The following CUBN variants were observed in gnomAD, a reference collection of about 807,000 sequenced individuals.
CUBN encodes cubilin, also known as 460 kDa receptor.
A neutral mutation model predicts 405.3 loss-of-function variants in CUBN; 282 were observed. The observed-to-expected ratio is 0.70, with a 90% CI of 0.63 to 0.77. The LOEUF (loss-of-function observed/expected upper bound fraction) is 0.77, where lower values mean the gene tolerates loss of function less well. Among genes scored for constraint, CUBN ranks in the 30% least tolerant of loss-of-function variants. CUBN has a pLI of 0.00. For missense variants in CUBN, 4,514 were observed against 4,475.2 expected, an observed-to-expected ratio of 1.01 and a Z score of -0.25; for synonymous variants, 1,684 against 1,617.0, an observed-to-expected ratio of 1.04 and a Z score of -0.99.
rs1385753111 is a variant in CUBN at position 16,899,174 on chromosome 10, C to A, written c.8420G>T (p.Gly2807Val). 2.5e-6 allele frequency: 4 copies of A among 1,613,530 alleles called. No individual in the cohort carries two copies. Among genetic ancestry groups the A allele is most frequent in the Non-Finnish European group, 3.4e-6 (4 of 1,179,472 alleles). ...TGTACCATTATCAGAATGAAATATT[C>A]CACCACAACCTGAAATATTGCCATG... Reference protein sequence around the residue: ...TWNTQTLGCGGIFHSDNGTIR... With the variant: ...TWNTQTLGCGVIFHSDNGTIR... The change falls in exon 54 of 67, where the codon GGA becomes GTA. Residue 2807 changes from glycine to valine, a missense_variant. Physicochemically the swap from Gly to Val is moderately radical, Grantham distance 109 (BLOSUM62 -3). Transcript: ENST00000377833.
At chr10:17,095,276 G>T (rs1836347073) in intron 14 of CUBN, among the ~76,000 whole-genome samples, 1 of 151,796 alleles carries the variant, frequency 6.6e-6, no homozygotes, top group Non-Finnish European at 1.5e-5. Flanking sequence ...TTAAACATAA[G>T]GCCTAAAACT....
In CUBN at chr10:16,984,165, T is replaced by C. The variant is rs774314370; in HGVS notation, c.4465A>G (p.Lys1489Glu). 1.2e-5 allele frequency: 20 copies of C among 1,614,194 alleles called. No homozygotes were observed. The highest frequency in any genetic ancestry group is 1.6e-5 in the Non-Finnish European group (19 of 1,180,048). Reference protein sequence around the residue: ...STGNELAIRFKTDLSINGRGF... With the variant: ...STGNELAIRFETDLSINGRGF... ...CTCCCATTTATGGACAAGTCGGTCT[T>C]GAATCGAATTGCTAGCTCATTTCCA... The change falls in exon 30 of 67, where the codon AAG becomes GAG. Residue 1489 changes from lysine to glutamate, a missense_variant. This residue lies in a region of CUBN where 1,613 missense variants were observed against 1,542.8 expected (regional missense o/e 1.05). Coordinates refer to ENST00000377833, the MANE Select transcript of CUBN (RefSeq NM_001081.4).
intron 56 of CUBN, among the ~76,000 whole-genome samples, chr10:16,878,329 A>AAAAC (rs1840573164): frequency 6.6e-6 from 1 of 152,192 alleles, no homozygotes; most frequent in Non-Finnish European, 1.5e-5. Context: ...GGAAAGGAAA[A>AAAAC]AAACCAGCCT....
chr10:17,043,472 A>C (rs1835057559), intron 26 of CUBN, among the ~76,000 whole-genome samples: 1 of 152,230 alleles, frequency 6.6e-6, no homozygotes, highest in African/African-American at 2.4e-5. Flanking sequence ...ATGAAAAGCT[A>C]TTAGTCATTA....
At chr10:17,019,161 C>T (rs971426519) in intron 28 of CUBN, among the ~76,000 whole-genome samples, 68 of 152,172 alleles carry the variant, frequency 4.5e-4, no homozygotes, top group African/African-American at 1.6e-3. Context: ...TGGGGCTCTC[C>T]ACTTGCAGAT....
intron 56 of CUBN, among the ~76,000 whole-genome samples, chr10:16,879,051 C>A (rs1370846109): frequency 6.6e-6 from 1 of 152,194 alleles, no homozygotes; most frequent in Non-Finnish European, 1.5e-5. Context: ...TGTGTGGGCA[C>A]ATGCTTTCAG....
intron 62 of CUBN, among the ~76,000 whole-genome samples, chr10:16,836,619 C>T (rs565843285): frequency 2.9e-4 from 44 of 152,348 alleles, no homozygotes; most frequent in South Asian, 6.2e-4. Flanking sequence ...ACAGACATTT[C>T]CCTGCTGAAA....
At chr10:16,844,249 A>G (rs1839441928) in intron 60 of CUBN, among the ~76,000 whole-genome samples, 1 of 146,612 alleles carries the variant, frequency 6.8e-6, no homozygotes, top group Admixed American at 6.9e-5. Flanking sequence ...AGCCTGGGCG[A>G]CAAGAGCGAA....
intron 60 of CUBN, among the ~76,000 whole-genome samples, chr10:16,845,897 G>C (rs1839494809): frequency 6.6e-6 from 1 of 152,198 alleles, no homozygotes; most frequent in African/African-American, 2.4e-5. Context: ...TTTTGCACAA[G>C]TGTGGTGGTT....
At chr10:17,007,413 T>C (rs988990755) in intron 28 of CUBN, among the ~76,000 whole-genome samples, 1 of 152,232 alleles carries the variant, frequency 6.6e-6, no homozygotes, top group Non-Finnish European at 1.5e-5. Context: ...AGCCTCGTTG[T>C]AGATCCGTTT....
At chr10:16,827,727 G>C (rs1468883745) in intron 66 of CUBN, among the ~76,000 whole-genome samples, 1 of 152,164 alleles carries the variant, frequency 6.6e-6, no homozygotes, top group Non-Finnish European at 1.5e-5. Flanking sequence ...TCAGCCTCCG[G>C]AGTACTTGGG....
chr10:16,881,265 G>T (rs532489757), intron 56 of CUBN, among the ~76,000 whole-genome samples: 131 of 152,318 alleles, frequency 8.6e-4, no homozygotes, highest in African/African-American at 2.9e-3. Context: ...TTGTTAAGTT[G>T]TGGGCTAATG....
intron 59 of CUBN, among the ~76,000 whole-genome samples, chr10:16,866,176 T>C (rs111993770): frequency 6.6e-6 from 1 of 152,072 alleles, no homozygotes; most frequent in African/African-American, 2.4e-5. Flanking sequence ...GAATACATCA[T>C]TTTAGAAAAA....
At chr10:17,099,369 T>G (rs1282081073) in intron 14 of CUBN, among the ~76,000 whole-genome samples, 7 of 152,132 alleles carry the variant, frequency 4.6e-5, no homozygotes, top group South Asian at 2.1e-4. Context: ...GAATACTACA[T>G]GAAGGGGTGG....
Position 16,827,310 on chromosome 10 carries a change from AAAC to A in CUBN, c.10764+1492_10764+1494del, listed in dbSNP as rs375588936. Among the ~76,000 whole-genome samples, 24 of 152,336 alleles carry A rather than the reference AAAC, an allele frequency of 1.6e-4. No individual in the cohort carries two copies. The East Asian group carries it at 1.9e-3, about 12-fold the overall frequency. The stretch of plus-strand genomic sequence containing the variant: ...CTAATGATATATTGGTAAGTAGAAA[AAAC>A]ACACCATCAAACAGTAAAAAATATG... On this transcript the variant is annotated intron_variant, in intron 66 of 66. Coordinates refer to ENST00000377833, the MANE Select transcript of CUBN (RefSeq NM_001081.4).
At chr10:16,967,234 T>C (rs913695750) in intron 31 of CUBN, among the ~76,000 whole-genome samples, 2 of 152,166 alleles carry the variant, frequency 1.3e-5, no homozygotes, top group African/African-American at 4.8e-5. Flanking sequence ...CGTTCACCCC[T>C]ATTTCTTTGT....
At chr10:17,086,405 C>G (rs1259710545) in intron 15 of CUBN, among the ~76,000 whole-genome samples, 2 of 151,880 alleles carry the variant, frequency 1.3e-5, no homozygotes, top group African/African-American at 4.8e-5. Context: ...GCAAAGAAAA[C>G]AGAAGAAGGA....
Position 17,047,588 on chromosome 10 carries a change from T to C in CUBN, c.3155A>G (p.Tyr1052Cys). Residue 1052 changes from tyrosine to cysteine, a missense_variant, in exon 23 of 67, where the codon TAC becomes TGC. Tyr to Cys is a radical substitution (Grantham distance 194, BLOSUM62 -2). Coordinates refer to ENST00000377833, the MANE Select transcript of CUBN (RefSeq NM_001081.4). ...AGTGAATGTCCCCAAATCATCTGTG[T>C]AGTCTTGCAAACATGCTGTGAACAG... is the stretch of plus-strand genomic sequence containing the variant. ...ISAATACLQDYTDDLGTFTSP... is the reference protein window; with the variant it reads ...ISAATACLQDCTDDLGTFTSP... 2 of 1,614,030 alleles carry C rather than the reference T, an allele frequency of 1.2e-6. No individual in the cohort carries two copies. Among genetic ancestry groups the C allele is most frequent in the South Asian group, 2.2e-5 (2 of 91,078 alleles).
chr10:16,991,011 A>G (rs778374765), intron 28 of CUBN, among the ~76,000 whole-genome samples: 2 of 152,174 alleles, frequency 1.3e-5, no homozygotes, highest in Non-Finnish European at 2.9e-5. Context: ...TGTACCAAAG[A>G]CTGTAAGAAA....
Sources: gnomAD v4.1 joint callset for allele counts (sites outside exome capture counted in the v4.1 genomes callset) on GRCh38, gnomAD v4.1.1 for gene constraint, gnomAD v4.1.1 regional missense constraint, MANE v1.5 for transcripts, NCBI Gene and HGNC (gene_info 2026-07-23, HGNC 2026-07-21) for gene names.